Variants in ADCY1 observed in about 807,000 individuals in gnomAD.
ADCY1 encodes adenylate cyclase type 1.
In ADCY1, 28 loss-of-function variants were observed where a neutral mutation model predicts 105.4. The observed-to-expected ratio is 0.27, with a 90% CI of 0.20 to 0.36. The LOEUF (loss-of-function observed/expected upper bound fraction) is 0.36. ADCY1 is among the 10% of genes least tolerant of loss of function. The pLI is 1.00. For missense variants in ADCY1, 977 were observed against 1,434.2 expected (o/e 0.68, Z 5.15); for synonymous variants, 655 against 623.8 (o/e 1.05, Z -0.75).
chr7:45,670,593 G>A (rs1490839006), intron 8 of ADCY1, among the ~76,000 whole-genome samples: 7 of 151,822 alleles, frequency 4.6e-5, no homozygotes, highest in East Asian at 1.9e-4. Flanking sequence ...CCATCATTCC[G>A]TGACCTGAGA....
Position 45,657,813 on chromosome 7 carries a change from G to A in ADCY1, c.1235G>A (p.Arg412His), listed in dbSNP as rs898381045. Residue 412 changes from arginine to histidine, a missense_variant, in exon 6 of 20, where the codon CGC becomes CAC. This residue lies in a region of ADCY1 where 196 missense variants were observed against 347.8 expected (regional missense o/e 0.56). Coordinates refer to ENST00000297323, the MANE Select transcript of ADCY1 (RefSeq NM_021116.4). ...GTCCTCTGTGGTGTCCTGGGCTTGC[G>A]CAAGTGGCAGTACGACGTGTGGTCC... ...GRVLCGVLGL[R>H]KWQYDVWSND... 10 of 1,603,998 alleles carry A rather than the reference G, an allele frequency of 6.2e-6. No individual in the cohort carries two copies. Among genetic ancestry groups the A allele is most frequent in the Non-Finnish European group, 8.5e-6 (10 of 1,174,316 alleles).
chr7:45,709,332 T>A (rs985574887), intron 18 of ADCY1, among the ~76,000 whole-genome samples: 4 of 152,192 alleles, frequency 2.6e-5, no homozygotes, highest in African/African-American at 7.2e-5. Flanking sequence ...CACTTTCCAA[T>A]GACAAGACCA....
chr7:45,664,575 C>G, intron 8 of ADCY1: 1 of 1,185,550 alleles, frequency 8.4e-7, no homozygotes, highest in Non-Finnish European at 1.1e-6. Flanking sequence ...TATCTGGAAT[C>G]CTACCATCTC....
rs1273588274 is a variant in ADCY1, at chr7:45,700,487, G to T, written c.2455-2889G>T. 2.0e-5 allele frequency among the ~76,000 whole-genome samples: 3 copies of T among 152,182 alleles called. No homozygotes were observed. In the East Asian group the frequency reaches 5.8e-4, roughly 29 times the overall value. Reference sequence around the variant, plus strand: ...TGCTTGGAGAAGTTCCTTTCCCTCTGCACTTTCCCAAAAGGAGGTGTTTGT... The same window carrying T: ...TGCTTGGAGAAGTTCCTTTCCCTCTTCACTTTCCCAAAAGGAGGTGTTTGT... On this transcript the variant is annotated intron_variant, in intron 14 of 19. Coordinates refer to ENST00000297323, the MANE Select transcript of ADCY1 (RefSeq NM_021116.4).
Position 45,609,091 on chromosome 7 carries a change from A to G in ADCY1, c.790-1288A>G, listed in dbSNP as rs141892536. On this transcript the variant is annotated intron_variant, in intron 2 of 19. Coordinates refer to ENST00000297323, the MANE Select transcript of ADCY1 (RefSeq NM_021116.4). ...AAATGGGCTGTGCTCATGGAATGCT[A>G]TCTGCCATGTGGAACAGAGGGGTGA... Among the ~76,000 whole-genome samples, 791 of 152,356 alleles carry G rather than the reference A, an allele frequency of 5.2e-3. 11 individuals are homozygous for G. Among genetic ancestry groups the G allele is most frequent in the African/African-American group, 0.018 (749 of 41,582 alleles).
At chr7:45,704,282 C>T (rs1251655120) in intron 16 of ADCY1, among the ~76,000 whole-genome samples, 3 of 152,150 alleles carry the variant, frequency 2.0e-5, no homozygotes, top group Non-Finnish European at 2.9e-5. Context: ...TGTCATTGGA[C>T]CTGATTCTCC....
At chr7:45,589,336 CG>C (rs1792835250) in intron 1 of ADCY1, among the ~76,000 whole-genome samples, 1 of 152,102 alleles carries the variant, frequency 6.6e-6, no homozygotes, top group African/African-American at 2.4e-5. Flanking sequence ...CGGGCCGGGC[CG>C]GGGTTGGGTC....
At chr7:45,683,776 G>A (rs1004649841) in intron 11 of ADCY1, among the ~76,000 whole-genome samples, 2 of 152,176 alleles carry the variant, frequency 1.3e-5, no homozygotes, top group Non-Finnish European at 2.9e-5. Flanking sequence ...ACAGGTAGGG[G>A]TTCAGGCTCT....
chr7:45,641,644 C>A (rs890269886), intron 4 of ADCY1, among the ~76,000 whole-genome samples: 1 of 152,072 alleles, frequency 6.6e-6, no homozygotes, highest in Non-Finnish European at 1.5e-5. Flanking sequence ...AATGTCTTTT[C>A]GGCCGGGCGC....
In ADCY1 at chr7:45,648,750, T is replaced by C. The variant is rs755619189; in HGVS notation, c.1101T>C (p.His367=). The C allele has an allele frequency of 1.4e-5, 23 of 1,614,138 alleles. No homozygotes were observed. The highest frequency in any genetic ancestry group is 1.9e-5 in the Non-Finnish European group (23 of 1,180,006). ...VSGLTQPKTD[H]AHCCVEMGLD... is the part of the protein sequence containing the mutation. ...GCCTCACCCAGCCCAAGACTGACCA[T>C]GCCCACTGCTGTGTGGAGATGGGAC... Residue 367 remains histidine, a synonymous_variant, in exon 5 of 20, where the codon CAT becomes CAC. Transcript: ENST00000297323.
intron 1 of ADCY1, among the ~76,000 whole-genome samples, chr7:45,585,319 C>A (rs1384214774): frequency 1.3e-5 from 2 of 152,096 alleles, no homozygotes; most frequent in African/African-American, 2.4e-5. Context: ...TGAAATATCT[C>A]TGATAGTTAA....
chr7:45,624,958 C>T (rs780848204), intron 4 of ADCY1, among the ~76,000 whole-genome samples: 1 of 152,230 alleles, frequency 6.6e-6, no homozygotes, highest in African/African-American at 2.4e-5. Flanking sequence ...GTTGGGTCAG[C>T]CCAGGCCCTT....
chr7:45,592,053 G>GT (rs202112937), intron 1 of ADCY1, among the ~76,000 whole-genome samples: 10,300 of 141,382 alleles, frequency 0.073, 437 homozygotes, highest in African/African-American at 0.12. Flanking sequence ...TTCGTTTTTT[G>GT]TTTTTTTTTT....
intron 19 of ADCY1, among the ~76,000 whole-genome samples, chr7:45,711,607 GTATATATATATA>G (rs71030888): frequency 4.8e-4 from 34 of 70,804 alleles, no homozygotes; most frequent in African/African-American, 9.4e-4. Flanking sequence ...ACTTCGTGCT[GTATATATATATA>G]TATATATATA....
Position 45,662,041 on chromosome 7 carries a change from C to T in ADCY1, c.1450-18C>T. The stretch of plus-strand genomic sequence containing the variant: ...CTCATTCACAGCATTTCTCCTTGCC[C>T]CTTGTGTGTTTGGACAGATATTTCC... On this transcript the variant is annotated intron_variant, in intron 7 of 19. Transcript: ENST00000297323. 4 of 1,610,802 alleles carry T rather than the reference C, an allele frequency of 2.5e-6. No individual in the cohort carries two copies. Among genetic ancestry groups the T allele is most frequent in the Non-Finnish European group, 3.4e-6 (4 of 1,177,780 alleles).
At chr7:45,660,821 C>A in intron 7 of ADCY1, among the ~76,000 whole-genome samples, 1 of 133,384 alleles carries the variant, frequency 7.5e-6, no homozygotes, top group Non-Finnish European at 1.6e-5. Flanking sequence ...ATTCAGGGCT[C>A]AGGTGAGGTG....
At chr7:45,606,703 A>G (rs1372277332) in intron 2 of ADCY1, among the ~76,000 whole-genome samples, 1 of 152,178 alleles carries the variant, frequency 6.6e-6, no homozygotes, top group East Asian at 1.9e-4. Flanking sequence ...AGTCTTCACA[A>G]TTGTCACTGA....
chr7:45,616,569 T>C (rs1359524699), intron 3 of ADCY1, among the ~76,000 whole-genome samples: 1 of 150,422 alleles, frequency 6.6e-6, no homozygotes, highest in Non-Finnish European at 1.5e-5. Flanking sequence ...ATACAAATCA[T>C]GTGATCATCT....
chr7:45,651,615 C>G (rs1482305052), intron 5 of ADCY1, among the ~76,000 whole-genome samples: 1 of 152,238 alleles, frequency 6.6e-6, no homozygotes, highest in Non-Finnish European at 1.5e-5. Context: ...CTCCCCGCCA[C>G]TCCTCAGTAG....
Sources: gnomAD v4.1 joint callset for allele counts (sites outside exome capture counted in the v4.1 genomes callset) on GRCh38, gnomAD v4.1.1 for gene constraint, gnomAD v4.1.1 regional missense constraint, MANE v1.5 for transcripts, NCBI Gene and HGNC (gene_info 2026-07-23, HGNC 2026-07-21) for gene names.